APC: variants seen among roughly 807,000 people sequenced by gnomAD.
APC encodes adenomatous polyposis coli protein.
A neutral mutation model predicts 247.0 loss-of-function variants in APC; 72 were observed. That is an observed-to-expected ratio of 0.29 (90% CI 0.24 to 0.35). The LOEUF (loss-of-function observed/expected upper bound fraction) is 0.35. APC is among the 10% of genes least tolerant of loss of function. APC has a pLI of 1.00. For missense variants in APC, 3,400 were observed against 3,360.7 expected (o/e 1.01, Z -0.29); for synonymous variants, 1,254 against 1,162.5 (o/e 1.08, Z -1.60).
Position 112,845,115 on chromosome 5 carries a change from C to A in APC, c.*989C>A, listed in dbSNP as rs188796337. The A allele has an allele frequency of 4.3e-6, 1 of 232,178 alleles. No individual in the cohort carries two copies. Among genetic ancestry groups the A allele is most frequent in the African/African-American group, 2.2e-5 (1 of 45,278 alleles). 14.4% of individuals were successfully genotyped at this position (232,178 alleles called of 1,614,324 possible). ...TGCATTAAGAGTAAAATTCCTCTTA[C>A]TGTAATAAAAACAATTGAAGAAGAC... is the stretch of plus-strand genomic sequence containing the variant. On this transcript the variant is annotated 3_prime_UTR_variant, in exon 16 of 16. Coordinates refer to ENST00000257430, the MANE Select transcript of APC (RefSeq NM_000038.6).
At chr5:112,828,508 A>C (rs1306874607) in intron 13 of APC, among the ~76,000 whole-genome samples, 1 of 151,478 alleles carries the variant, frequency 6.6e-6, no homozygotes. Flanking sequence ...GCTGGAGTGC[A>C]GTGGTGCGAT....
At chr5:112,732,000 G>C in intron 1 of APC, among the ~76,000 whole-genome samples, 1 of 152,208 alleles carries the variant, frequency 6.6e-6, no homozygotes, top group East Asian at 1.9e-4. Context: ...GGCCTCAAGT[G>C]ATCTGCCCAC....
chr5:112,795,088 G>A (rs1031445331), intron 7 of APC, among the ~76,000 whole-genome samples: 5 of 152,100 alleles, frequency 3.3e-5, no homozygotes, highest in African/African-American at 7.2e-5. Flanking sequence ...GTGCAGTGGC[G>A]TGATCTTGGC....
Position 112,738,742 on chromosome 5 carries a change from A to G in APC, c.-19+817A>G, listed in dbSNP as rs74341649. 4.0e-3 allele frequency among the ~76,000 whole-genome samples: 606 copies of G among 152,334 alleles called. 3 individuals are homozygous for G. The highest frequency in any genetic ancestry group is 0.01 in the African/African-American group (428 of 41,572). On this transcript the variant is annotated intron_variant, in intron 1 of 15. Coordinates refer to ENST00000257430, the MANE Select transcript of APC (RefSeq NM_000038.6). ...ATTTACAAGAAGCCATAGTTTATAAATGCAGCCTGAACAGCAGAAAAAAAA... is the reference window on the plus strand; with the variant it reads ...ATTTACAAGAAGCCATAGTTTATAAGTGCAGCCTGAACAGCAGAAAAAAAA...
chr5:112,750,391 C>G (rs1754208470), intron 1 of APC, among the ~76,000 whole-genome samples: 2 of 151,342 alleles, frequency 1.3e-5, no homozygotes, highest in Admixed American at 6.6e-5. Flanking sequence ...ATTTTTTATC[C>G]TTATGCACTC....
Position 112,840,949 on chromosome 5 carries a change from T to C in APC, c.5355T>C (p.Tyr1785=), listed in dbSNP as rs2149938166. 6.2e-7 allele frequency: 1 copy of C among 1,613,384 alleles called. No homozygotes were observed. The highest frequency in any genetic ancestry group is 8.5e-7 in the Non-Finnish European group (1 of 1,179,658). ...PVKPIPQNTE[Y]RTRVRKNADS... ...AACCTATACCACAAAATACTGAATA[T>C]AGGACACGTGTAAGAAAAAATGCAG... Residue 1785 remains tyrosine, a synonymous_variant, in exon 16 of 16, where the codon TAT becomes TAC. Transcript: ENST00000257430. This position sits in a 1 kb window ranked among gnomAD's most constrained non-coding sequence, Gnocchi z 4.1.
At position 112,829,140 on chromosome 5, in the gene APC, T is replaced by G. The variant is rs146025761; in HGVS notation, c.1743+168T>G. On this transcript the variant is annotated intron_variant, in intron 14 of 15. Transcript: ENST00000257430. ...TGCTGCCTTCTTTTAGCCATGAGAT[T>G]CCCTAATTTCTTTTTTGAGATGGGG... 8.9e-6 allele frequency: 5 copies of G among 564,488 alleles called. No individual in the cohort carries two copies. The East Asian group carries it at 1.3e-4, about 15-fold the overall frequency. 35.0% of individuals were successfully genotyped at this position (564,488 alleles called of 1,614,324 possible). A position where few individuals can be genotyped will look rare whatever the true frequency, so the allele number is the denominator to read the frequency against.
At chr5:112,782,012 G>C (rs926950987) in intron 6 of APC, among the ~76,000 whole-genome samples, 2 of 152,226 alleles carry the variant, frequency 1.3e-5, no homozygotes, top group African/African-American at 4.8e-5. Flanking sequence ...AGGATTTAGA[G>C]TCATCATGCC....
chr5:112,842,234 A>C lies in APC; in HGVS notation c.6640A>C (p.Lys2214Gln), dbSNP rs1055951639. The change falls in exon 16 of 16, where the codon AAA becomes CAA. Residue 2214 changes from lysine to glutamine, a missense_variant. Lys to Gln is a moderately conservative substitution (Grantham distance 53). Transcript: ENST00000257430. ...TAATTCAGAAATTTCAGGCCAAATG[A>C]AACAGCCCCTTCAAGCAAACATGCC... Reference protein sequence around the residue: ...RSNSEISGQMKQPLQANMPSI... With the variant: ...RSNSEISGQMQQPLQANMPSI... 6.2e-7 allele frequency: 1 copy of C among 1,614,040 alleles called. No individual in the cohort carries two copies. The highest frequency in any genetic ancestry group is 8.5e-7 in the Non-Finnish European group (1 of 1,179,886).
At chr5:112,820,535 A>G (rs1349273227) in intron 10 of APC, among the ~76,000 whole-genome samples, 3 of 152,112 alleles carry the variant, frequency 2.0e-5, no homozygotes, top group East Asian at 1.9e-4. Flanking sequence ...TTTCATATCT[A>G]TTTGTCCTGG....
At chr5:112,836,054 A>G in intron 15 of APC, among the ~76,000 whole-genome samples, 1 of 100,848 alleles carries the variant, frequency 9.9e-6, no homozygotes, top group East Asian at 2.9e-4. Context: ...GGAGTCTTGC[A>G]CTCTTGCCCG....
intron 15 of APC, among the ~76,000 whole-genome samples, chr5:112,836,621 A>G (rs1764974761): frequency 6.6e-6 from 1 of 152,204 alleles, no homozygotes; most frequent in Non-Finnish European, 1.5e-5. Flanking sequence ...TTGTTTTTAT[A>G]TGCCTTAAAT....
rs373783930 is a variant in APC, at chr5:112,835,194, A to C, written c.1958+29A>C. The C allele has an allele frequency of 4.5e-6, 7 of 1,569,126 alleles. No individual in the cohort carries two copies. In the African/African-American group the frequency reaches 9.5e-5, roughly 21 times the overall value. Reference sequence around the variant, plus strand: ...TATATAGAGTTTTATATTACTTTTAAAGTACAGAATTCATACTCTCAAAAA... The same window carrying C: ...TATATAGAGTTTTATATTACTTTTACAGTACAGAATTCATACTCTCAAAAA... On this transcript the variant is annotated intron_variant, in intron 15 of 15. Transcript: ENST00000257430.
chr5:112,792,177 C>T (rs1229803206), intron 6 of APC, among the ~76,000 whole-genome samples: 2 of 151,802 alleles, frequency 1.3e-5, no homozygotes, highest in South Asian at 2.1e-4. Flanking sequence ...ACCCGGAAGG[C>T]GGAGGTTGCG....
At chr5:112,757,856 G>A (rs1267351449) in intron 2 of APC, among the ~76,000 whole-genome samples, 1 of 152,044 alleles carries the variant, frequency 6.6e-6, no homozygotes, top group African/African-American at 2.4e-5. Flanking sequence ...AAGTGTTTAT[G>A]GGTTAGGGAA....
chr5:112,752,892 T>A (rs143574614), intron 1 of APC, among the ~76,000 whole-genome samples: 49 of 152,260 alleles, frequency 3.2e-4, no homozygotes, highest in African/African-American at 1.1e-3. Flanking sequence ...AAAGTTTAAT[T>A]GTTCATCTGA....
Position 112,843,856 on chromosome 5 carries a change from T to C in APC, c.8262T>C (p.Ser2754=), listed in dbSNP as rs1382030053. The change falls in exon 16 of 16, where the codon AGT becomes AGC. Residue 2754 remains serine, a synonymous_variant. Coordinates refer to ENST00000257430, the MANE Select transcript of APC (RefSeq NM_000038.6). The surrounding 1 kb of genome is among the most constrained non-coding windows in gnomAD (Gnocchi z 4.8). ...NPVPVSETNE[S]SIVERTPFSS... ...TCCCTGTATCAGAGACTAATGAAAG[T>C]TCTATAGTGGAACGTACCCCATTCA... The C allele has an allele frequency of 1.9e-6, 3 of 1,613,796 alleles. No individual in the cohort carries two copies. The African/African-American group carries it at 4.0e-5, about 22-fold the overall frequency.
rs1759726043 is a variant in APC at position 112,792,453 on chromosome 5, T to C, written c.653T>C (p.Ile218Thr). The change falls in exon 7 of 16, where the codon ATA becomes ACA. Residue 218 changes from isoleucine (I) to threonine (T), a missense_variant. This residue lies in a region of APC where 372 missense variants were observed against 367.6 expected (regional missense o/e 1.01). Transcript: ENST00000257430. Reference sequence around the variant, plus strand: ...TTTCTTGTTTTATTTTAGCGAAGAATAGCCAGAATTCAGCAAATCGAAAAG... The same window carrying C: ...TTTCTTGTTTTATTTTAGCGAAGAACAGCCAGAATTCAGCAAATCGAAAAG... ...QDMEKRAQRR[I>T]ARIQQIEKDI... The C allele has an allele frequency of 6.2e-7, 1 of 1,609,070 alleles. No homozygotes were observed. Among genetic ancestry groups the C allele is most frequent in the Non-Finnish European group, 8.5e-7 (1 of 1,177,080 alleles).
chr5:112,823,779 C>T (rs1441820140), intron 11 of APC, among the ~76,000 whole-genome samples: 1 of 152,168 alleles, frequency 6.6e-6, no homozygotes, highest in Non-Finnish European at 1.5e-5. Flanking sequence ...TTTCAGGGAA[C>T]TCACAGTTTA....
Sources: gnomAD v4.1 joint callset for allele counts (sites outside exome capture counted in the v4.1 genomes callset) on GRCh38, gnomAD v4.1.1 for gene constraint, gnomAD v4.1.1 regional missense constraint, Gnocchi (gnomAD v3.1) non-coding constraint, MANE v1.5 for transcripts, NCBI Gene and HGNC (gene_info 2026-07-23, HGNC 2026-07-21) for gene names.